The following TMC1 variants were observed in gnomAD, a reference collection of about 807,000 sequenced individuals.
TMC1 encodes the protein transmembrane channel like 1.
Under a neutral mutation model 105.8 loss-of-function variants are expected in TMC1, and 84 were observed. The observed-to-expected ratio is 0.79, with a 90% confidence interval of 0.67 to 0.95. The LOEUF (loss-of-function observed/expected upper bound fraction) is 0.95, where lower values mean the gene tolerates loss of function less well. Among genes scored for constraint, TMC1 ranks in the 40% least tolerant of loss-of-function variants. The probability of loss-of-function intolerance (pLI) is 0.00; values close to 1 mark genes in which losing one functional copy is unlikely to be tolerated. For missense variants in TMC1, 817 were observed against 914.1 expected, an observed-to-expected ratio of 0.89 and a Z score of 1.37; for synonymous variants, 315 against 311.5, an observed-to-expected ratio of 1.01 and a Z score of -0.12.
intron 5 of TMC1, among the ~76,000 whole-genome samples, chr9:72,666,632 G>A (rs545374240): frequency 3.4e-4 from 52 of 152,304 alleles, no homozygotes; most frequent in Admixed American, 6.5e-4. Context: ...CACTGACTGA[G>A]TGCCTATTAT....
chr9:72,668,074 A>G (rs1826071720), intron 5 of TMC1, among the ~76,000 whole-genome samples: 1 of 152,246 alleles, frequency 6.6e-6, no homozygotes, highest in African/African-American at 2.4e-5. Context: ...TTTGGAATAA[A>G]AGAAAAATAT....
intron 23 of TMC1, among the ~76,000 whole-genome samples, chr9:72,831,683 C>T (rs1402822609): frequency 6.6e-6 from 1 of 151,926 alleles, no homozygotes; most frequent in Non-Finnish European, 1.5e-5. Flanking sequence ...TAAGAACATG[C>T]GGTGTTTGGT....
chr9:72,727,767 G>C (rs1383147138), intron 8 of TMC1, among the ~76,000 whole-genome samples: 1 of 152,098 alleles, frequency 6.6e-6, no homozygotes, highest in South Asian at 2.1e-4. Context: ...AAGCTGGGAT[G>C]CCTTAGTGAT....
chr9:72,664,439 A>T (rs1826011969), intron 5 of TMC1, among the ~76,000 whole-genome samples: 1 of 152,236 alleles, frequency 6.6e-6, no homozygotes, highest in Admixed American at 6.5e-5. Flanking sequence ...GGGAATAGGC[A>T]TTCCTGTTTG....
chr9:72,651,327 A>G (rs1401545547), intron 5 of TMC1: 2 of 152,068 alleles, frequency 1.3e-5, no homozygotes, highest in Non-Finnish European at 2.9e-5. Flanking sequence ...CACTCCATGG[A>G]GAGTCAACAC....
chr9:72,690,304 G>A (rs1048804444), intron 6 of TMC1, among the ~76,000 whole-genome samples: 4 of 151,860 alleles, frequency 2.6e-5, no homozygotes, highest in African/African-American at 7.3e-5. Flanking sequence ...ATCCATTAAC[G>A]TATTTTTATA....
chr9:72,684,390 G>A (rs1227475791), intron 5 of TMC1, among the ~76,000 whole-genome samples: 13 of 152,086 alleles, frequency 8.5e-5, no homozygotes, highest in Admixed American at 7.9e-4. Context: ...AGCAACTTAT[G>A]ATACGTCTCT....
intron 11 of TMC1, 132 bp from the exon 12 acceptor site, chr9:72,754,654 C>A (rs1224430288): frequency 1.0e-4 from 75 of 718,316 alleles, no homozygotes; most frequent in South Asian, 1.8e-4. Context: ...GAAAATGGGA[C>A]CCCACATGGA....
chr9:72,728,579 A>T (rs1360564669), intron 8 of TMC1, among the ~76,000 whole-genome samples: 2 of 152,100 alleles, frequency 1.3e-5, no homozygotes, highest in African/African-American at 2.4e-5. Flanking sequence ...CTGACATGGC[A>T]TATTTTGGGG....
At chr9:72,821,248 C>A (rs895894323) in intron 20 of TMC1, among the ~76,000 whole-genome samples, 167 bp downstream of exon 20, 3 of 152,080 alleles carry the variant, frequency 2.0e-5, no homozygotes, top group Non-Finnish European at 2.9e-5. Flanking sequence ...AATCCCAGCA[C>A]TTTGGGAGGC....
intron 17 of TMC1, among the ~76,000 whole-genome samples, chr9:72,795,186 A>G (rs1013752751): frequency 1.3e-5 from 2 of 152,230 alleles, no homozygotes; most frequent in Non-Finnish European, 2.9e-5. Flanking sequence ...GAAAAAGCAA[A>G]CAACTTGGAA....
intron 12 of TMC1, among the ~76,000 whole-genome samples, chr9:72,764,720 G>A (rs1827804649): frequency 1.3e-5 from 2 of 152,058 alleles, no homozygotes; most frequent in Non-Finnish European, 2.9e-5. Flanking sequence ...TTCTAACTGA[G>A]GATTGCTAAT....
intron 23 of TMC1, among the ~76,000 whole-genome samples, chr9:72,832,834 G>A (rs946354846): frequency 6.6e-6 from 1 of 151,966 alleles, no homozygotes; most frequent in Non-Finnish European, 1.5e-5. Context: ...GCATAATTTA[G>A]AGTTCCATTT....
chr9:72,590,831 T>A (rs576213878), intron 2 of TMC1, among the ~76,000 whole-genome samples: 42 of 152,286 alleles, frequency 2.8e-4, no homozygotes, highest in African/African-American at 9.6e-4. Flanking sequence ...GAGGGTGTGT[T>A]AATTGTCCTG....
At chr9:72,692,187 G>GT (rs1826476464) in intron 6 of TMC1, among the ~76,000 whole-genome samples, 1 of 152,156 alleles carries the variant, frequency 6.6e-6, no homozygotes. Flanking sequence ...GTCTTTTCCT[G>GT]TCAGTGCTCA....
intron 8 of TMC1, among the ~76,000 whole-genome samples, chr9:72,705,346 T>C (rs1826721140): frequency 6.6e-6 from 1 of 152,354 alleles, no homozygotes; most frequent in East Asian, 1.9e-4. Context: ...AAATTGAGAC[T>C]TGGACTTTGA....
intron 4 of TMC1, among the ~76,000 whole-genome samples, chr9:72,629,249 T>C (rs1267349027): frequency 6.6e-6 from 1 of 152,212 alleles, no homozygotes; most frequent in Admixed American, 6.5e-5. Context: ...AGTCTTTCTA[T>C]AAGCTTCTTC....
intron 2 of TMC1, among the ~76,000 whole-genome samples, chr9:72,599,443 C>T (rs1266236431): frequency 6.6e-6 from 1 of 152,152 alleles, no homozygotes; most frequent in Admixed American, 6.5e-5. Flanking sequence ...AAGACCTGGC[C>T]AGTGGGTGAG....
At chr9:72,624,124 G>A (rs942957116) in intron 3 of TMC1, among the ~76,000 whole-genome samples, 2 of 152,126 alleles carry the variant, frequency 1.3e-5, no homozygotes, top group Admixed American at 1.3e-4. Flanking sequence ...ATCAGATTCC[G>A]TGGCTGACAG....
Sources: allele counts gnomAD v4.1 joint callset (sites outside exome capture counted in the v4.1 genomes callset), GRCh38; gene constraint gnomAD v4.1.1; transcripts MANE v1.5; gene names NCBI Gene and HGNC (gene_info 2026-07-23, HGNC 2026-07-21).